The following CDH4 variants were observed in gnomAD, a reference collection of about 807,000 sequenced individuals.
CDH4 encodes the protein cadherin-4.
CDH4 carries 33 observed loss-of-function variants against 86.0 expected under a neutral mutation model. The ratio of observed to expected loss-of-function variants is 0.38; its 90% confidence interval spans 0.29 to 0.51. The LOEUF is 0.51. Among genes scored for constraint, CDH4 ranks in the 20% least tolerant of loss-of-function variants. CDH4 has a pLI of 0.86. For missense variants in CDH4, 1,114 were observed against 1,307.4 expected, an observed-to-expected ratio of 0.85 and a Z score of 2.28; for synonymous variants, 555 against 549.4, an observed-to-expected ratio of 1.01 and a Z score of -0.14.
chr20:61,431,359 G>GTTT (rs34959436), intron 2 of CDH4, among the ~76,000 whole-genome samples: 2,346 of 129,918 alleles, frequency 0.018, 87 homozygotes, highest in African/African-American at 0.065. Context: ...TTTTTTGTTG[G>GTTT]TTTTTTTTTT....
chr20:61,472,862 C>T (rs2085513219), intron 2 of CDH4, among the ~76,000 whole-genome samples: 1 of 152,148 alleles, frequency 6.6e-6, no homozygotes. Flanking sequence ...CATCTATTCT[C>T]ATTTTGCTAA....
intron 2 of CDH4, among the ~76,000 whole-genome samples, chr20:61,724,989 G>A (rs1218320498): frequency 6.6e-6 from 1 of 152,108 alleles, no homozygotes; most frequent in Non-Finnish European, 1.5e-5. Flanking sequence ...GCAGGTATCC[G>A]TGGTCCCGGC....
At chr20:61,912,589 G>T (rs1196453181) in intron 9 of CDH4, among the ~76,000 whole-genome samples, 2 of 152,170 alleles carry the variant, frequency 1.3e-5, no homozygotes, top group African/African-American at 4.8e-5. Flanking sequence ...TATTTTGGCT[G>T]ATATGTTTGA....
intron 2 of CDH4, among the ~76,000 whole-genome samples, chr20:61,657,757 C>T (rs1212577598): frequency 6.6e-6 from 1 of 152,226 alleles, no homozygotes; most frequent in African/African-American, 2.4e-5. Flanking sequence ...CAGCATTCAC[C>T]TCGTAGTAAA....
chr20:61,264,776 G>A (rs2084147648), intron 2 of CDH4, among the ~76,000 whole-genome samples: 1 of 129,068 alleles, frequency 7.7e-6, no homozygotes. Context: ...CCTTCATTCA[G>A]TCCTAGACAT....
chr20:61,632,383 A>G (rs555982290), intron 2 of CDH4, among the ~76,000 whole-genome samples: 1 of 152,236 alleles, frequency 6.6e-6, no homozygotes, highest in African/African-American at 2.4e-5. Flanking sequence ...TTTTCAGCAA[A>G]ACAGTGTCAC....
intron 2 of CDH4, among the ~76,000 whole-genome samples, chr20:61,657,823 G>T (rs1175546699): frequency 6.6e-6 from 1 of 152,226 alleles, no homozygotes; most frequent in African/African-American, 2.4e-5. Context: ...TTAAATCCAT[G>T]TCAGTAAAAT....
rs936937432 is a variant in CDH4, at chr20:61,623,783, C to T, written c.170-119780C>T. Among the ~76,000 whole-genome samples the T allele has an allele frequency of 3.9e-5, 6 of 152,026 alleles. No individual in the cohort carries two copies. The highest frequency in any genetic ancestry group is 1.3e-4 in the Admixed American group (2 of 15,266). On this transcript the variant is annotated intron_variant, in intron 2 of 15. Transcript: ENST00000614565. This position sits in a 1 kb window ranked among gnomAD's most constrained non-coding sequence, Gnocchi z 4.4. ...ACCCAGAATCTGAGCAGGAAAGACA[C>T]GGTTCCTAGAGCGAGGAACACCCCA... is the stretch of plus-strand genomic sequence containing the variant.
intron 2 of CDH4, among the ~76,000 whole-genome samples, chr20:61,396,420 G>A (rs1426262064): frequency 6.6e-6 from 1 of 152,192 alleles, no homozygotes; most frequent in Non-Finnish European, 1.5e-5. Context: ...TGGAAAGCAC[G>A]TGGACTTCCC....
chr20:61,305,888 G>T (rs1294231991), intron 2 of CDH4, among the ~76,000 whole-genome samples: 1 of 152,050 alleles, frequency 6.6e-6, no homozygotes, highest in African/African-American at 2.4e-5. Flanking sequence ...AGTGAAGATC[G>T]GCCCACGGAT....
At chr20:61,490,305 G>A (rs1243959194) in intron 2 of CDH4, among the ~76,000 whole-genome samples, 1 of 152,154 alleles carries the variant, frequency 6.6e-6, no homozygotes, top group Non-Finnish European at 1.5e-5. Context: ...GCAGCCACAT[G>A]GCTGAGCCTT....
At chr20:61,719,322 G>A (rs903036840) in intron 2 of CDH4, 32 of 353,394 alleles carry the variant, frequency 9.1e-5, no homozygotes, top group Admixed American at 7.0e-4. Context: ...TCCAAGGTAC[G>A]AGTCAGCCAC....
chr20:61,366,961 GC>G (rs146832330), intron 2 of CDH4, among the ~76,000 whole-genome samples: 4,546 of 152,280 alleles, frequency 0.03, 84 homozygotes, highest in Middle Eastern at 0.054. Context: ...TGGAGCTTGG[GC>G]CCTTTGCGGA....
At chr20:61,287,364 T>G (rs1018478825) in intron 2 of CDH4, among the ~76,000 whole-genome samples, 1 of 152,130 alleles carries the variant, frequency 6.6e-6, no homozygotes, top group East Asian at 1.9e-4. Flanking sequence ...AATCCCAGCT[T>G]CTCAGGAGGC....
At chr20:61,850,600 A>C (rs1982672129) in intron 5 of CDH4, among the ~76,000 whole-genome samples, 1 of 152,228 alleles carries the variant, frequency 6.6e-6, no homozygotes, top group South Asian at 2.1e-4. Flanking sequence ...CCATGTATTA[A>C]TATTTCCTAA....
intron 2 of CDH4, among the ~76,000 whole-genome samples, chr20:61,584,377 C>T (rs890917867): frequency 6.6e-6 from 1 of 152,206 alleles, no homozygotes; most frequent in African/African-American, 2.4e-5. Context: ...CTCAGACAAC[C>T]TCACAAACTA....
At chr20:61,901,866 T>C (rs930726303) in intron 8 of CDH4, among the ~76,000 whole-genome samples, 1 of 152,210 alleles carries the variant, frequency 6.6e-6, no homozygotes, top group African/African-American at 2.4e-5. Flanking sequence ...TCCTGAGCCT[T>C]CCAGGAGACA....
At chr20:61,923,905 T>A (rs966995131) in intron 10 of CDH4, among the ~76,000 whole-genome samples, 3 of 152,202 alleles carry the variant, frequency 2.0e-5, no homozygotes, top group Admixed American at 2.0e-4. Flanking sequence ...TGATCAATCG[T>A]GAGTGTTGTG....
intron 2 of CDH4, among the ~76,000 whole-genome samples, chr20:61,604,043 G>A (rs545661755): frequency 6.6e-6 from 1 of 152,248 alleles, no homozygotes; most frequent in African/African-American, 2.4e-5. Context: ...CGCAATCCCC[G>A]TGGCCAGCTC....
Sources: gnomAD v4.1 joint callset for allele counts (sites outside exome capture counted in the v4.1 genomes callset) on GRCh38, gnomAD v4.1.1 for gene constraint, Gnocchi (gnomAD v3.1) non-coding constraint, MANE v1.5 for transcripts, NCBI Gene and HGNC (gene_info 2026-07-23, HGNC 2026-07-21) for gene names.